The following EDEM2 variants were observed in gnomAD, a reference collection of about 807,000 sequenced individuals.
The protein encoded by EDEM2 is ER degradation-enhancing alpha-mannosidase-like protein 2.
A neutral mutation model predicts 64.8 loss-of-function variants in EDEM2; 39 were observed. The observed-to-expected ratio is 0.60, with a 90% CI of 0.47 to 0.79. EDEM2 has a LOEUF of 0.79. Among genes scored for constraint, EDEM2 ranks in the 30% least tolerant of loss-of-function variants. The pLI, the probability that EDEM2 is intolerant of heterozygous loss-of-function variation, is 0.00. For missense variants in EDEM2, 609 were observed against 731.3 expected (o/e 0.83, Z 1.93); for synonymous variants, 296 against 291.5 (o/e 1.02, Z -0.16).
chr20:35,144,926 A>G (rs1319395749), intron 3 of EDEM2, 53 bp downstream of exon 3: 2 of 1,582,628 alleles, frequency 1.3e-6, no homozygotes, highest in East Asian at 2.2e-5. Flanking sequence ...CAAAAGAGGA[A>G]GGATGTTGGT....
intron 9 of EDEM2, among the ~76,000 whole-genome samples, chr20:35,120,253 G>A (rs2085352729): frequency 6.6e-6 from 1 of 152,200 alleles, no homozygotes; most frequent in African/African-American, 2.4e-5. Flanking sequence ...AGTGGAGACA[G>A]GGTTTCGCCA....
chr20:35,142,707 T>C (rs1230124728), intron 3 of EDEM2, among the ~76,000 whole-genome samples: 1 of 152,196 alleles, frequency 6.6e-6, no homozygotes, highest in East Asian at 1.9e-4. Context: ...AGAGTCACGA[T>C]GTTGTCATTT....
intron 4 of EDEM2, among the ~76,000 whole-genome samples, chr20:35,138,234 C>T (rs2085604203): frequency 6.6e-6 from 1 of 152,208 alleles, no homozygotes; most frequent in African/African-American, 2.4e-5. Flanking sequence ...GTCCCTTAAT[C>T]CCACATATTT....
chr20:35,116,025 A>G lies in EDEM2; in HGVS notation c.1237-92T>C. The stretch of plus-strand genomic sequence containing the variant: ...CCTTAAGAAGGCCTGTTCTGCCACA[A>G]AGCAGCTGAGGGCCTGTGAGCAAAT... On this transcript the variant is annotated intron_variant, in intron 10 of 10. Coordinates refer to ENST00000374492, the MANE Select transcript of EDEM2 (RefSeq NM_018217.3). The G allele has an allele frequency of 3.5e-6, 5 of 1,431,228 alleles. 1 individual carries two copies. The South Asian group carries it at 6.6e-5, about 19-fold the overall frequency. The allele number at this position is 1,431,228 out of a possible 1,614,324, so 88.7% of individuals were successfully genotyped here. A position where few individuals can be genotyped will look rare whatever the true frequency, so the allele number is the denominator to read the frequency against.
chr20:35,146,540 G>C (rs2085734754), intron 2 of EDEM2, among the ~76,000 whole-genome samples: 1 of 152,140 alleles, frequency 6.6e-6, no homozygotes, highest in Non-Finnish European at 1.5e-5. Context: ...ACGGTATCTC[G>C]TTACTCCAGA....
intron 3 of EDEM2, among the ~76,000 whole-genome samples, chr20:35,143,090 G>A (rs1394511860): frequency 2.0e-5 from 3 of 152,158 alleles, no homozygotes; most frequent in Non-Finnish European, 2.9e-5. Context: ...GTAGATACCA[G>A]TTGTCACCTT....
chr20:35,124,166 C>T, intron 8 of EDEM2, 132 bp from the exon 9 acceptor site: 1 of 1,153,126 alleles, frequency 8.7e-7, no homozygotes, highest in East Asian at 2.5e-5. Flanking sequence ...GCCAGTTACT[C>T]AGTGTGGTGC....
Position 35,118,642 on chromosome 20 carries a change from C to G in EDEM2, c.1192G>C (p.Glu398Gln). Residue 398 changes from glutamate (E) to glutamine (Q), a missense_variant, in exon 10 of 11, where the codon GAA becomes CAA. By Grantham distance (29) the Glu-to-Gln change is conservative. Transcript: ENST00000374492. ...TLLELGRDAV[E>Q]SIEKISKVEC... ...ACCTTGCTGATTTTTTCAATGGATT[C>G]CACAGCATCTCTTCCGAGTTCTAGG... 1 of 1,613,994 alleles carries G rather than the reference C, an allele frequency of 6.2e-7. No homozygotes were observed. Among genetic ancestry groups the G allele is most frequent in the Non-Finnish European group, 8.5e-7 (1 of 1,179,988 alleles).
Position 35,134,094 on chromosome 20 carries a change from C to T in EDEM2, c.702+644G>A, listed in dbSNP as rs1329973008. 8.8e-6 allele frequency: 4 copies of T among 456,062 alleles called. No individual in the cohort carries two copies. In the East Asian group the frequency reaches 2.8e-4, roughly 32 times the overall value. 28.3% of individuals were successfully genotyped at this position (456,062 alleles called of 1,614,324 possible). Reference sequence around the variant, plus strand: ...TCTTATTGATTATCCCATTTAGAAGCTGAAACTGACCTTAGAGATCATCTG... The same window carrying T: ...TCTTATTGATTATCCCATTTAGAAGTTGAAACTGACCTTAGAGATCATCTG... On this transcript the variant is annotated intron_variant, in intron 6 of 10. Transcript: ENST00000374492.
In EDEM2 at chr20:35,115,366, T is replaced by A. The variant is rs1315828950; in HGVS notation, c.*67A>T. On this transcript the variant is annotated 3_prime_UTR_variant, in exon 11 of 11. Coordinates refer to ENST00000374492, the MANE Select transcript of EDEM2 (RefSeq NM_018217.3). ...TATGTAAAACATGATAACCAAAATA[T>A]GATAGCCAAAAGCAATTTATTATAG... The A allele has an allele frequency of 1.3e-6, 2 of 1,511,022 alleles. No individual in the cohort carries two copies. Among genetic ancestry groups the A allele is most frequent in the African/African-American group, 2.8e-5 (2 of 70,932 alleles). 93.6% of individuals were successfully genotyped at this position (1,511,022 alleles called of 1,614,324 possible).
rs150314125 is a variant in EDEM2 at position 35,147,186 on chromosome 20, G to C, written c.73C>G (p.Pro25Ala). The change falls in exon 1 of 11, where the codon CCC becomes GCC. Residue 25 changes from proline (P) to alanine (A), a missense_variant. By Grantham distance (27) the Pro-to-Ala change is conservative. Transcript: ENST00000374492. ...LLPQHHGAPG[P>A]DGSAPDPAHY... ...GCGGGATCTGGCGCGGAGCCGTCGGGACCTGGCGCACCATGGTGCTGAGGC... is the reference window on the plus strand; with the variant it reads ...GCGGGATCTGGCGCGGAGCCGTCGGCACCTGGCGCACCATGGTGCTGAGGC... 53 of 1,602,936 alleles carry C rather than the reference G, an allele frequency of 3.3e-5. No individual in the cohort carries two copies. Among genetic ancestry groups the C allele is most frequent in the Non-Finnish European group, 3.8e-5 (45 of 1,173,754 alleles).
chr20:35,143,904 TTA>T (rs1027032439), intron 3 of EDEM2, among the ~76,000 whole-genome samples: 10 of 150,918 alleles, frequency 6.6e-5, no homozygotes, highest in African/African-American at 2.2e-4. Context: ...CAGGTTTCTT[TTA>T]TATCTTTTTT....
At chr20:35,136,328 C>G (rs888372291) in intron 5 of EDEM2, among the ~76,000 whole-genome samples, 8 of 152,008 alleles carry the variant, frequency 5.3e-5, no homozygotes, top group Non-Finnish European at 1.0e-4. Context: ...GAGTTTCCTC[C>G]AGGGATGAAT....
chr20:35,139,543 G>A (rs1333313947), intron 4 of EDEM2, among the ~76,000 whole-genome samples: 2 of 151,404 alleles, frequency 1.3e-5, no homozygotes. Flanking sequence ...CCAGCTACTC[G>A]GGAGGCTGAG....
intron 10 of EDEM2, 67 bp from the exon 11 acceptor site, chr20:35,116,000 C>T (rs2085305869): frequency 6.5e-7 from 1 of 1,543,624 alleles, no homozygotes; most frequent in Non-Finnish European, 8.8e-7. Flanking sequence ...TCAGGCAATC[C>T]CTTAAGAAGG....
At chr20:35,118,813 C>G in intron 9 of EDEM2, 94 bp from the exon 10 acceptor site, 1 of 1,542,894 alleles carries the variant, frequency 6.5e-7, no homozygotes, top group Non-Finnish European at 8.8e-7. Flanking sequence ...CCCTCCATAT[C>G]TTGTCCATAA....
At chr20:35,135,448 C>T (rs920288204) in intron 5 of EDEM2, among the ~76,000 whole-genome samples, 6 of 152,124 alleles carry the variant, frequency 3.9e-5, no homozygotes, top group African/African-American at 9.7e-5. Flanking sequence ...GCCAGGAGTT[C>T]GAGACCAGCC....
At chr20:35,141,315 G>T (rs147519473) in intron 4 of EDEM2, among the ~76,000 whole-genome samples, 46 of 152,204 alleles carry the variant, frequency 3.0e-4, no homozygotes, top group Admixed American at 7.2e-4. Flanking sequence ...CAGAAAGATG[G>T]AAAGGATAGA....
intron 9 of EDEM2, among the ~76,000 whole-genome samples, chr20:35,121,760 G>A (rs2085372082): frequency 6.6e-6 from 1 of 151,626 alleles, no homozygotes; most frequent in Admixed American, 6.6e-5. Flanking sequence ...GGGATGACTG[G>A]ATTAACGCAC....
Sources: allele counts gnomAD v4.1 joint callset (sites outside exome capture counted in the v4.1 genomes callset), GRCh38; gene constraint gnomAD v4.1.1; transcripts MANE v1.5; gene names NCBI Gene and HGNC (gene_info 2026-07-23, HGNC 2026-07-21).